The following DLGAP1 variants were observed in gnomAD, a reference collection of about 807,000 sequenced individuals.
The protein encoded by DLGAP1 is disks large-associated protein 1.
A neutral mutation model predicts 90.8 loss-of-function variants in DLGAP1; 11 were observed. The observed-to-expected ratio is 0.12, with a 90% CI of 0.08 to 0.20. The LOEUF is 0.20. Among genes scored for constraint, DLGAP1 ranks in the 10% least tolerant of loss-of-function variants. DLGAP1 has a pLI of 1.00. For missense variants in DLGAP1, 1,050 were observed against 1,333.8 expected (o/e 0.79, Z 3.31); for synonymous variants, 558 against 540.7 (o/e 1.03, Z -0.44).
chr18:3,982,022 T>C (rs2073742095), intron 3 of DLGAP1, among the ~76,000 whole-genome samples: 1 of 151,826 alleles, frequency 6.6e-6, no homozygotes, highest in South Asian at 2.1e-4. Flanking sequence ...CATTTTCTAA[T>C]AAAAAATAAT....
At chr18:3,746,845 G>A (rs2063289989) in intron 5 of DLGAP1, among the ~76,000 whole-genome samples, 2 of 152,242 alleles carry the variant, frequency 1.3e-5, no homozygotes, top group South Asian at 4.1e-4. Flanking sequence ...TATATTCTAA[G>A]TGTCCTCTTA....
At chr18:4,052,292 G>T (rs2075145907) in intron 2 of DLGAP1, among the ~76,000 whole-genome samples, 1 of 152,150 alleles carries the variant, frequency 6.6e-6, no homozygotes, top group African/African-American at 2.4e-5. Context: ...GTAAACTTCT[G>T]CTTGGATATC....
intron 3 of DLGAP1, among the ~76,000 whole-genome samples, chr18:3,953,884 C>A (rs1256448521): frequency 6.6e-6 from 1 of 152,110 alleles, no homozygotes; most frequent in African/African-American, 2.4e-5. Context: ...CATCTCTAAA[C>A]TAGTAAGATG....
chr18:3,652,638 C>T (rs1348593002), intron 7 of DLGAP1, among the ~76,000 whole-genome samples: 1 of 152,220 alleles, frequency 6.6e-6, no homozygotes, highest in Non-Finnish European at 1.5e-5. Flanking sequence ...CCACCGCACC[C>T]AGCCCTCATT....
chr18:4,299,038 G>A (rs2080056849), intron 1 of DLGAP1, among the ~76,000 whole-genome samples: 2 of 140,164 alleles, frequency 1.4e-5, no homozygotes, highest in Admixed American at 7.7e-5. Flanking sequence ...CCCAGATCAC[G>A]CCACTGCAGT....
intron 5 of DLGAP1, among the ~76,000 whole-genome samples, chr18:3,778,825 T>A (rs1408447257): frequency 6.6e-6 from 1 of 152,128 alleles, no homozygotes; most frequent in Admixed American, 6.5e-5. Flanking sequence ...GATGAGGACC[T>A]GACAGAAAGG....
At chr18:3,875,185 T>C (rs973779354) in intron 4 of DLGAP1, among the ~76,000 whole-genome samples, 2 of 152,198 alleles carry the variant, frequency 1.3e-5, no homozygotes, top group African/African-American at 2.4e-5. Flanking sequence ...CTCACATGCA[T>C]ATGAGGTCAA....
intron 1 of DLGAP1, among the ~76,000 whole-genome samples, chr18:4,364,198 T>C (rs1160035521): frequency 1.6e-4 from 22 of 137,510 alleles, no homozygotes; most frequent in African/African-American, 3.8e-4. Context: ...TAGGTGGGAA[T>C]TGAACAATGA....
At chr18:4,149,988 G>A (rs2076647628) in intron 2 of DLGAP1, among the ~76,000 whole-genome samples, 1 of 152,220 alleles carries the variant, frequency 6.6e-6, no homozygotes, top group South Asian at 2.1e-4. Context: ...AAGTCAGTCA[G>A]TAAACCTCCT....
At position 3,565,273 on chromosome 18, in the gene DLGAP1, C is replaced by T. The variant is rs535897222; in HGVS notation, c.2057+2217G>A. 6.6e-6 allele frequency among the ~76,000 whole-genome samples: 1 copy of T among 152,044 alleles called. No homozygotes were observed. Among genetic ancestry groups the T allele is most frequent in the African/African-American group, 2.4e-5 (1 of 41,420 alleles). On this transcript the variant is annotated intron_variant, in intron 9 of 12. Coordinates refer to ENST00000315677, the MANE Select transcript of DLGAP1 (RefSeq NM_004746.4). This position sits in a 1 kb window ranked among gnomAD's most constrained non-coding sequence, Gnocchi z 4.0. ...AAGGGATTGTCCTGCCTCAGCCTCC[C>T]GAGTTCCTGGGATTACAGGAACCCA... is the stretch of plus-strand genomic sequence containing the variant.
Position 4,455,304 on chromosome 18 carries a change from G to A in DLGAP1, c.-565C>T, listed in dbSNP as rs1441211125. 2 of 152,500 alleles carry A rather than the reference G, an allele frequency of 1.3e-5. No homozygotes were observed. The highest frequency in any genetic ancestry group is 1.9e-4 in the East Asian group (1 of 5,170). The allele number at this position is 152,500 out of a possible 1,614,324, so 9.4% of individuals were successfully genotyped here. The stretch of plus-strand genomic sequence containing the variant: ...GCGGCGGGCTGGGGCTGCAAGGCTG[G>A]GCTGGTGACCCGCCCCTGGGTGCAT... On this transcript the variant is annotated 5_prime_UTR_variant, in exon 1 of 13. Coordinates refer to ENST00000315677, the MANE Select transcript of DLGAP1 (RefSeq NM_004746.4).
At chr18:3,699,982 C>G (rs2061224938) in intron 7 of DLGAP1, among the ~76,000 whole-genome samples, 1 of 152,206 alleles carries the variant, frequency 6.6e-6, no homozygotes, top group Non-Finnish European at 1.5e-5. Flanking sequence ...CCTGACCAAG[C>G]TCAAGCGTCC....
At chr18:4,452,649 C>A (rs7244874) in intron 1 of DLGAP1, among the ~76,000 whole-genome samples, 1 of 151,918 alleles carries the variant, frequency 6.6e-6, no homozygotes, top group Non-Finnish European at 1.5e-5. Flanking sequence ...TCTCTATATG[C>A]GCTACATAAT....
intron 1 of DLGAP1, among the ~76,000 whole-genome samples, chr18:4,217,614 A>AAT (rs143147685): frequency 0.045 from 6,829 of 150,732 alleles, 188 homozygotes; most frequent in Non-Finnish European, 0.06. Context: ...ACACGCACAT[A>AAT]ATATATATAT....
chr18:4,375,176 T>C, intron 1 of DLGAP1, among the ~76,000 whole-genome samples: 1 of 152,170 alleles, frequency 6.6e-6, no homozygotes, highest in South Asian at 2.1e-4. Context: ...CATAGCACTT[T>C]CCACTGATTT....
intron 6 of DLGAP1, among the ~76,000 whole-genome samples, chr18:3,741,135 A>ACCAC (rs1555649463): frequency 1.3e-5 from 1 of 74,964 alleles, no homozygotes; most frequent in South Asian, 5.4e-4. Context: ...CACCACCACC[A>ACCAC]CATCACCATC....
At chr18:4,356,973 T>G (rs989347068) in intron 1 of DLGAP1, among the ~76,000 whole-genome samples, 6 of 151,984 alleles carry the variant, frequency 3.9e-5, no homozygotes, top group African/African-American at 1.5e-4. Flanking sequence ...CCTTCACCAT[T>G]CAGGTGCCCA....
At chr18:4,185,168 T>A (rs141905120) in intron 1 of DLGAP1, among the ~76,000 whole-genome samples, 2 of 152,126 alleles carry the variant, frequency 1.3e-5, no homozygotes, top group African/African-American at 2.4e-5. Context: ...TTTTCTAATA[T>A]TTTATTTTTA....
In DLGAP1 at chr18:4,454,032, A is replaced by G. The variant is rs1348891909; in HGVS notation, c.-267+974T>C. 6.6e-6 allele frequency among the ~76,000 whole-genome samples: 1 copy of G among 152,188 alleles called. No individual in the cohort carries two copies. Among genetic ancestry groups the G allele is most frequent in the Non-Finnish European group, 1.5e-5 (1 of 68,024 alleles). Reference sequence around the variant, plus strand: ...CCGGGGGCGAGCGCGGCACTCGGACACAGGCACTCAGTGTCTCCGGCGCCG... The same window carrying G: ...CCGGGGGCGAGCGCGGCACTCGGACGCAGGCACTCAGTGTCTCCGGCGCCG... On this transcript the variant is annotated intron_variant, in intron 1 of 12. Coordinates refer to ENST00000315677, the MANE Select transcript of DLGAP1 (RefSeq NM_004746.4). This position sits in a 1 kb window ranked among gnomAD's most constrained non-coding sequence, Gnocchi z 4.7.
Sources: gnomAD v4.1 joint callset for allele counts (sites outside exome capture counted in the v4.1 genomes callset) on GRCh38, gnomAD v4.1.1 for gene constraint, Gnocchi (gnomAD v3.1) non-coding constraint, MANE v1.5 for transcripts, NCBI Gene and HGNC (gene_info 2026-07-23, HGNC 2026-07-21) for gene names.